COL6A5: variants seen among roughly 807,000 people sequenced by gnomAD.
COL6A5 encodes the protein collagen alpha-5(VI) chain.
Under a neutral mutation model 65.6 loss-of-function variants are expected in COL6A5, and 48 were observed. The ratio of observed to expected loss-of-function variants is 0.73; its 90% CI spans 0.58 to 0.93. The LOEUF is 0.93. COL6A5 is among the 40% of genes least tolerant of loss of function. The probability of loss-of-function intolerance (pLI) is 0.00; values close to 1 mark genes in which losing one functional copy is unlikely to be tolerated. For missense variants in COL6A5, 914 were observed against 928.3 expected (o/e 0.98, Z 0.20); for synonymous variants, 291 against 322.8 (o/e 0.90, Z 1.05).
chr3:130,469,071 A>G, exon 6 of COL6A5: 1 of 1,612,976 alleles, frequency 6.2e-7, no homozygotes, highest in Non-Finnish European at 8.5e-7. Flanking sequence ...TGCCCTGTCT[A>G]CCTGGAATTT....
intron 10 of COL6A5, among the ~76,000 whole-genome samples, chr3:130,399,450 A>G (rs1936731710): frequency 6.7e-6 from 1 of 150,120 alleles, no homozygotes; most frequent in African/African-American, 2.5e-5. Context: ...GGCTCACTGC[A>G]AACTCCGCCT....
In COL6A5 at chr3:130,395,190, A is replaced by G. The variant is rs80081222; in HGVS notation, c.3293A>G (p.His1098Arg). 4.0e-4 allele frequency: 617 copies of G among 1,551,726 alleles called. 3 individuals are homozygous for G. The African/African-American group carries it at 7.8e-3, about 20-fold the overall frequency. ...AAAGTGAGCAATATGTTTAATCTAC[A>G]TGCTGGTGGGAGAAGAAATGCTGGT... The change falls in exon 8 of 42, where the codon CAT becomes CGT. Residue 1098 changes from histidine (H) to arginine (R), a missense_variant and NMD_transcript_variant. His to Arg is a conservative substitution (Grantham distance 29). Coordinates refer to the COL6A5 transcript ENST00000312481.
rs1709546516 is a variant in COL6A5 at position 130,455,353 on chromosome 3, G to GT, written c.1333-96dup. 11 of 672,432 alleles carry GT rather than the reference G, an allele frequency of 1.6e-5. No individual in the cohort carries two copies. In the South Asian group the frequency reaches 2.2e-4, roughly 14 times the overall value. 41.7% of individuals were successfully genotyped at this position (672,432 alleles called of 1,614,324 possible). On this transcript the variant is annotated intron_variant, in intron 4 of 7. Transcript: ENST00000512836. ...GATTTATATTTTCACCACCCAATTG[G>GT]TTTTTTAAGGAGATAATTAAATATG... is the stretch of plus-strand genomic sequence containing the variant.
chr3:130,447,439 T>C (rs917259857), intron 4 of COL6A5, among the ~76,000 whole-genome samples: 1 of 152,176 alleles, frequency 6.6e-6, no homozygotes, highest in Non-Finnish European at 1.5e-5. Flanking sequence ...AGCAAATTTA[T>C]CTTTTAATCC....
chr3:130,437,811 T>C (rs1416499754), intron 1 of COL6A5, among the ~76,000 whole-genome samples: 1 of 152,136 alleles, frequency 6.6e-6, no homozygotes, highest in Non-Finnish European at 1.5e-5. Flanking sequence ...TTTGCTTAAA[T>C]GTCATGTTAT....
chr3:130,449,707 A>G (rs557848658), intron 4 of COL6A5, among the ~76,000 whole-genome samples: 2 of 152,006 alleles, frequency 1.3e-5, no homozygotes, highest in Non-Finnish European at 2.9e-5. Context: ...CGGCCTTTTC[A>G]CCGCCGGAGC....
intron 4 of COL6A5, among the ~76,000 whole-genome samples, chr3:130,451,627 G>A (rs1333356510): frequency 6.6e-6 from 1 of 151,806 alleles, no homozygotes. Flanking sequence ...ATCCTGGGCT[G>A]TGTGAGTCGG....
intron 24 of COL6A5, 60 bp from the exon 25 acceptor site, chr3:130,418,809 C>G: frequency 7.4e-7 from 1 of 1,355,394 alleles, no homozygotes; most frequent in Non-Finnish European, 1.0e-6. Flanking sequence ...ACAGAACTTA[C>G]CGTGGTAGGA....
intron 7 of COL6A5, among the ~76,000 whole-genome samples, chr3:130,393,070 TTTTTTTTGTGTGTGTG>T (rs1490842331): frequency 7.3e-6 from 1 of 137,722 alleles, no homozygotes; most frequent in Admixed American, 7.3e-5. Context: ...TTACAGTGTT[TTTTTTTTGTGTGTGTG>T]TGTGTGTGTG....
chr3:130,421,119 T>C (rs560952447), intron 25 of COL6A5, 34 bp from the exon 26 acceptor site: 1 of 1,539,736 alleles, frequency 6.5e-7, no homozygotes, highest in Admixed American at 2.0e-5. Flanking sequence ...TTTCCACCTT[T>C]GAGAAATTGA....
exon 3 of COL6A5, chr3:130,376,712 C>A (rs745462929): frequency 1.2e-6 from 2 of 1,613,666 alleles, no homozygotes; most frequent in East Asian, 2.2e-5. Flanking sequence ...AGGCCATGGC[C>A]ACATCCCATT....
At chr3:130,386,102 T>C (rs969557968) in intron 5 of COL6A5, among the ~76,000 whole-genome samples, 1 of 152,058 alleles carries the variant, frequency 6.6e-6, no homozygotes, top group Non-Finnish European at 1.5e-5. Context: ...CAAGATGGTA[T>C]GTGTTGATTG....
intron 27 of COL6A5, 67 bp downstream of exon 27, chr3:130,421,427 C>T: frequency 7.0e-7 from 1 of 1,434,072 alleles, no homozygotes. Context: ...TGAGATAAAC[C>T]TGTAGGTCTG....
At chr3:130,394,911 A>T (rs1331800202) in exon 8 of COL6A5, 1 of 1,550,868 alleles carries the variant, frequency 6.4e-7, no homozygotes. Flanking sequence ...CAGGAAGCTG[A>T]CGTGATTTTC....
At chr3:130,471,914 C>A in intron 7 of COL6A5, 35 of 1,534,244 alleles carry the variant, frequency 2.3e-5, no homozygotes, top group Non-Finnish European at 3.0e-5. Context: ...TGATAAACAG[C>A]AAGAAAAAGA....
intron 1 of COL6A5, among the ~76,000 whole-genome samples, chr3:130,359,410 A>T (rs1935033007): frequency 6.6e-6 from 1 of 152,118 alleles, no homozygotes; most frequent in Admixed American, 6.5e-5. Flanking sequence ...TTTAAAAAAA[A>T]TTAGAAGAAA....
At chr3:130,431,519 A>C in exon 1 of COL6A5, 1 of 1,551,586 alleles carries the variant, frequency 6.4e-7, no homozygotes, top group Non-Finnish European at 8.7e-7. Flanking sequence ...AATTCCTACG[A>C]TGTCACAGAA....
intron 4 of COL6A5, among the ~76,000 whole-genome samples, chr3:130,451,897 G>T (rs184423): frequency 0.14 from 21,808 of 152,086 alleles, 2,032 homozygotes; most frequent in East Asian, 0.33. Context: ...AGGACAGCAG[G>T]TACCAAGGCC....
At chr3:130,411,436 T>C (rs565492329) in intron 20 of COL6A5, among the ~76,000 whole-genome samples, 2 of 152,170 alleles carry the variant, frequency 1.3e-5, no homozygotes, top group Non-Finnish European at 2.9e-5. Context: ...ATTGCCCTTC[T>C]CTCTGGGATA....
Sources: allele counts gnomAD v4.1 joint callset (sites outside exome capture counted in the v4.1 genomes callset), GRCh38; gene constraint gnomAD v4.1.1; transcripts MANE v1.5; gene names NCBI Gene and HGNC (gene_info 2026-07-23, HGNC 2026-07-21).